The following HSD17B4 variants were observed in gnomAD, a reference collection of about 807,000 sequenced individuals.
HSD17B4 encodes the protein hydroxysteroid 17-beta dehydrogenase 4.
Under a neutral mutation model 101.0 loss-of-function variants are expected in HSD17B4, and 70 were observed. The ratio of observed to expected loss-of-function variants is 0.69; its 90% CI spans 0.57 to 0.85. The LOEUF (loss-of-function observed/expected upper bound fraction) is 0.85, where lower values mean the gene tolerates loss of function less well. HSD17B4 is among the 40% of genes least tolerant of loss of function. HSD17B4 has a pLI of 0.00. For synonymous variants in HSD17B4, 347 were observed against 297.1 expected (o/e 1.17, Z -1.73); for missense variants, 984 against 892.4 (o/e 1.10, Z -1.31).
At chr5:119,468,330 G>T (rs1444131453) in intron 2 of HSD17B4, among the ~76,000 whole-genome samples, 1 of 151,436 alleles carries the variant, frequency 6.6e-6, no homozygotes, top group Non-Finnish European at 1.5e-5. Flanking sequence ...GTTTTTTCTT[G>T]TCTGGGAAAG....
chr5:119,509,800 C>T (rs762445779), intron 16 of HSD17B4, among the ~76,000 whole-genome samples: 11 of 152,200 alleles, frequency 7.2e-5, no homozygotes, highest in Non-Finnish European at 1.5e-4. Flanking sequence ...ATGGAATGTG[C>T]TGATTTCAGA....
chr5:119,542,060 T>C lies in HSD17B4; in HGVS notation c.*66T>C, dbSNP rs1414883938. On this transcript the variant is annotated 3_prime_UTR_variant, in exon 24 of 24. Coordinates refer to ENST00000510025, the MANE Select transcript of HSD17B4 (RefSeq NM_000414.4). ...ACTCTCTTCACCCAAATATGCTTGA[T>C]TATTCTGCAAAAGTGATTAGAACTA... is the stretch of plus-strand genomic sequence containing the variant. 6 of 1,075,362 alleles carry C rather than the reference T, an allele frequency of 5.6e-6. No homozygotes were observed. The highest frequency in any genetic ancestry group is 1.6e-5 in the African/African-American group (1 of 63,884). The allele number at this position is 1,075,362 out of a possible 1,614,324, so 66.6% of individuals were successfully genotyped here.
chr5:119,452,705 C>T (rs759228420), intron 1 of HSD17B4, 72 bp downstream of exon 1: 4 of 1,607,294 alleles, frequency 2.5e-6, no homozygotes, highest in South Asian at 2.2e-5. Context: ...GGCCGGCATA[C>T]GCGCGCAGCC....
chr5:119,513,880 A>G (rs1238618020), intron 16 of HSD17B4, among the ~76,000 whole-genome samples: 1 of 152,212 alleles, frequency 6.6e-6, no homozygotes, highest in African/African-American at 2.4e-5. Flanking sequence ...TACATGGCAT[A>G]CAATGGATTT....
At chr5:119,456,449 A>C in intron 2 of HSD17B4, 81 bp downstream of exon 2, 1 of 957,408 alleles carries the variant, frequency 1.0e-6, no homozygotes, top group South Asian at 1.3e-5. Flanking sequence ...TCTTTCTATC[A>C]AATAATTTGT....
intron 17 of HSD17B4, among the ~76,000 whole-genome samples, chr5:119,517,485 G>C (rs1019259450): frequency 6.6e-6 from 1 of 152,258 alleles, no homozygotes; most frequent in Non-Finnish European, 1.5e-5. Flanking sequence ...GGGCTGAGGA[G>C]TGCGAGCGTA....
intron 2 of HSD17B4, among the ~76,000 whole-genome samples, chr5:119,472,305 A>G (rs765824938): frequency 2.0e-5 from 3 of 152,194 alleles, no homozygotes; most frequent in Non-Finnish European, 2.9e-5. Context: ...TAATCTTTAA[A>G]AACTTTTTTA....
Position 119,473,989 on chromosome 5 carries a change from G to A in HSD17B4, c.194G>A (p.Arg65Lys). ...AAGGTTGTTGAAGAAATAAGAAGGA[G>A]AGGTGGAAAAGCAGTGGCCAACTAT... The part of the protein sequence containing the change: ...ADKVVEEIRR[R>K]GGKAVANYDS... Residue 65 changes from arginine to lysine, a missense_variant, in exon 3 of 24, where the codon AGA becomes AAA. Transcript: ENST00000510025. 1 of 1,609,300 alleles carries A rather than the reference G, an allele frequency of 6.2e-7. No homozygotes were observed. Among genetic ancestry groups the A allele is most frequent in the African/African-American group, 1.3e-5 (1 of 74,944 alleles).
chr5:119,527,176 CTG>C lies in HSD17B4; in HGVS notation c.1725_1726del (p.Glu576AspfsTer38). 1 of 1,610,516 alleles carries C rather than the reference CTG, an allele frequency of 6.2e-7. No homozygotes were observed. The highest frequency in any genetic ancestry group is 8.5e-7 in the Non-Finnish European group (1 of 1,177,238). On this transcript the variant is annotated frameshift_variant, in exon 20 of 24. Transcript: ENST00000510025. LOFTEE classifies it high-confidence loss of function. ...GTATATCCAGGACAAACTCTACAAA[CTG>C]AGATGTGGAAGGAAGGAAACAGAAT...
At chr5:119,498,900 A>G (rs535165877) in intron 12 of HSD17B4, among the ~76,000 whole-genome samples, 1 of 152,220 alleles carries the variant, frequency 6.6e-6, no homozygotes, top group Non-Finnish European at 1.5e-5. Context: ...AACAGAAACC[A>G]TTATGAGGCA....
intron 8 of HSD17B4, 64 bp downstream of exon 8, chr5:119,479,085 C>A: frequency 8.3e-7 from 1 of 1,198,916 alleles, no homozygotes; most frequent in African/African-American, 1.5e-5. Flanking sequence ...ATGAGCTTTA[C>A]AAAAGTATTT....
intron 22 of HSD17B4, among the ~76,000 whole-genome samples, chr5:119,532,756 TAAAGA>T (rs534369316): frequency 1.5e-3 from 225 of 152,184 alleles, no homozygotes; most frequent in African/African-American, 5.0e-3. Context: ...ATAAGGGAGA[TAAAGA>T]ATCAGAGGAT....
chr5:119,490,135 A>G (rs772133706), intron 9 of HSD17B4, among the ~76,000 whole-genome samples: 1 of 152,140 alleles, frequency 6.6e-6, no homozygotes, highest in Non-Finnish European at 1.5e-5. Flanking sequence ...TTTCATTTGA[A>G]TGAAAAGCTG....
chr5:119,524,544 A>T (rs556979917), intron 17 of HSD17B4, among the ~76,000 whole-genome samples: 2 of 152,262 alleles, frequency 1.3e-5, no homozygotes, highest in Middle Eastern at 3.4e-3. Flanking sequence ...AGTGCTGGTA[A>T]GTGCTTTCTA....
rs149080199 is a variant in HSD17B4, at chr5:119,531,693, T to C, written c.1993+289T>C. Reference sequence around the variant, plus strand: ...TCCTTGAAAGTAGTTTAAACAGTCATCTTGGCTATATGCATCTTTATCTAA... The same window carrying C: ...TCCTTGAAAGTAGTTTAAACAGTCACCTTGGCTATATGCATCTTTATCTAA... On this transcript the variant is annotated intron_variant, in intron 22 of 23. Transcript: ENST00000510025. Among the ~76,000 whole-genome samples, 18 of 152,158 alleles carry C rather than the reference T, an allele frequency of 1.2e-4. No individual in the cohort carries two copies. The East Asian group carries it at 2.5e-3, about 21-fold the overall frequency.
chr5:119,470,041 G>T (rs951734001), intron 2 of HSD17B4, among the ~76,000 whole-genome samples: 1 of 152,146 alleles, frequency 6.6e-6, no homozygotes, highest in East Asian at 1.9e-4. Flanking sequence ...TGGTCCATAT[G>T]GGGCACATGT....
rs2259347 is a variant in HSD17B4 at position 119,475,618 on chromosome 5, C to T, written c.281-88C>T. The T allele has an allele frequency of 0.44, 452,376 of 1,029,540 alleles. 103,955 individuals are homozygous for T. The highest frequency in any genetic ancestry group is 0.53 in the Admixed American group (29,360 of 55,252). The allele number at this position is 1,029,540 out of a possible 1,614,324, so 63.8% of individuals were successfully genotyped here. A position where few individuals can be genotyped will look rare whatever the true frequency, so the allele number is the denominator to read the frequency against. On this transcript the variant is annotated intron_variant, in intron 4 of 23. Coordinates refer to ENST00000510025, the MANE Select transcript of HSD17B4 (RefSeq NM_000414.4). ...TATTTACTTTTTCATGGTTAAAAAA[C>T]GCCAGTTTTGAGAGAAATGTGAGTT...
chr5:119,531,202 A>C (rs1262315474), intron 21 of HSD17B4, 64 bp from the exon 22 acceptor site: 12 of 1,529,642 alleles, frequency 7.8e-6, no homozygotes, highest in Non-Finnish European at 1.1e-5. Context: ...CATGTTTTAT[A>C]ATCACTTTTC....
chr5:119,513,735 G>C (rs762946305), intron 16 of HSD17B4, among the ~76,000 whole-genome samples: 4 of 152,124 alleles, frequency 2.6e-5, no homozygotes, highest in Non-Finnish European at 4.4e-5. Flanking sequence ...CTTATCACAA[G>C]TATCACTTGT....
Sources: gnomAD v4.1 joint callset for allele counts (sites outside exome capture counted in the v4.1 genomes callset) on GRCh38, gnomAD v4.1.1 for gene constraint, MANE v1.5 for transcripts, NCBI Gene and HGNC (gene_info 2026-07-23, HGNC 2026-07-21) for gene names.